The following NRXN3 variants were observed in gnomAD, a reference collection of about 807,000 sequenced individuals.
NRXN3 encodes neurexin III.
Under a neutral mutation model 137.6 loss-of-function variants are expected in NRXN3, and 32 were observed. The observed-to-expected ratio is 0.23, with a 90% CI of 0.18 to 0.31. The LOEUF (loss-of-function observed/expected upper bound fraction) is 0.31, where lower values mean the gene tolerates loss of function less well. NRXN3 is among the 10% of genes least tolerant of loss of function. The probability of loss-of-function intolerance (pLI) is 1.00; values close to 1 mark genes in which losing one functional copy is unlikely to be tolerated. For missense variants in NRXN3, 1,574 were observed against 2,062.5 expected (o/e 0.76, Z 4.59); for synonymous variants, 798 against 784.5 (o/e 1.02, Z -0.29).
At chr14:78,591,998 T>C (rs2097122001) in intron 4 of NRXN3, among the ~76,000 whole-genome samples, 2 of 152,200 alleles carry the variant, frequency 1.3e-5, no homozygotes, top group Admixed American at 1.3e-4. Context: ...AACTCATTTC[T>C]CTGAGATGAG....
chr14:79,429,365 G>C lies in NRXN3; in HGVS notation c.3263-37856G>C, dbSNP rs116715888. Among the ~76,000 whole-genome samples the C allele has an allele frequency of 6.4e-3, 979 of 152,286 alleles. 14 individuals carry two copies. Among genetic ancestry groups the C allele is most frequent in the African/African-American group, 0.023 (946 of 41,546 alleles). The stretch of plus-strand genomic sequence containing the variant: ...TTGTGGAGTCATCAGTAAGAATGTG[G>C]CTTCTGGAGTGAATTTCTTTTTGAG... On this transcript the variant is annotated intron_variant, in intron 15 of 20. Transcript: ENST00000335750.
intron 16 of NRXN3, among the ~76,000 whole-genome samples, chr14:79,498,706 C>T (rs1379345497): frequency 2.0e-5 from 3 of 152,230 alleles, no homozygotes; most frequent in Non-Finnish European, 4.4e-5. Flanking sequence ...TCCATCTCTA[C>T]TACTCGAAGC....
chr14:78,312,933 G>A (rs2078144871), intron 4 of NRXN3, among the ~76,000 whole-genome samples: 1 of 152,016 alleles, frequency 6.6e-6, no homozygotes, highest in Non-Finnish European at 1.5e-5. Flanking sequence ...TTTGTTAAAA[G>A]GAAAAAAGAA....
intron 15 of NRXN3, among the ~76,000 whole-genome samples, chr14:79,014,597 T>G (rs2099576205): frequency 6.6e-6 from 1 of 152,228 alleles, no homozygotes; most frequent in Non-Finnish European, 1.5e-5. Flanking sequence ...TAGAATAATT[T>G]ATATTTCTTT....
intron 15 of NRXN3, among the ~76,000 whole-genome samples, chr14:79,217,284 C>G (rs905235802): frequency 6.6e-6 from 1 of 152,116 alleles, no homozygotes; most frequent in Non-Finnish European, 1.5e-5. Context: ...GAAGCAGGAA[C>G]AGCACATCAC....
At chr14:78,440,062 A>T (rs1017941043) in intron 4 of NRXN3, among the ~76,000 whole-genome samples, 1 of 152,220 alleles carries the variant, frequency 6.6e-6, no homozygotes, top group African/African-American at 2.4e-5. Context: ...GAGGGGCCTC[A>T]TGCAGGCAAG....
chr14:78,465,735 G>A (rs985226511), intron 4 of NRXN3, among the ~76,000 whole-genome samples: 2 of 151,534 alleles, frequency 1.3e-5, no homozygotes, highest in African/African-American at 2.4e-5. Context: ...GGGTTTCACC[G>A]TGTTGGCCAA....
At chr14:79,340,855 G>A (rs1382278593) in intron 15 of NRXN3, among the ~76,000 whole-genome samples, 1 of 152,138 alleles carries the variant, frequency 6.6e-6, no homozygotes, top group Non-Finnish European at 1.5e-5. Flanking sequence ...GCAGTTGGAC[G>A]ATATCTTATC....
rs912378995 is a variant in NRXN3, at chr14:79,190,207, C to G, written c.3262+202066C>G. The stretch of plus-strand genomic sequence containing the variant: ...GATTAAGTTGAAAAGGTCCATAATC[C>G]TTACGGAAATTTTTTTTTTAATCAT... On this transcript the variant is annotated intron_variant, in intron 15 of 20. Transcript: ENST00000335750. 2.6e-5 allele frequency among the ~76,000 whole-genome samples: 4 copies of G among 151,490 alleles called. No individual in the cohort carries two copies. The East Asian group carries it at 8.1e-4, about 31-fold the overall frequency.
intron 4 of NRXN3, among the ~76,000 whole-genome samples, chr14:78,417,440 C>T (rs1052854767): frequency 2.0e-5 from 3 of 152,202 alleles, no homozygotes; most frequent in Non-Finnish European, 4.4e-5. Flanking sequence ...TCAGGCTGTG[C>T]TCATAATTTC....
chr14:78,309,213 A>G (rs1415570495), intron 4 of NRXN3, among the ~76,000 whole-genome samples: 1 of 152,140 alleles, frequency 6.6e-6, no homozygotes, highest in Non-Finnish European at 1.5e-5. Context: ...AAGTTTTGTC[A>G]TCTTGTAGAA....
rs148395655 is a variant in NRXN3, at chr14:78,530,547, T to G, written c.758-114573T>G. 3.1e-3 allele frequency among the ~76,000 whole-genome samples: 469 copies of G among 152,340 alleles called. 8 individuals carry two copies. The highest frequency in any genetic ancestry group is 0.011 in the African/African-American group (455 of 41,578). On this transcript the variant is annotated intron_variant, in intron 4 of 20. Coordinates refer to ENST00000335750, the MANE Select transcript of NRXN3 (RefSeq NM_001330195.2). ...TTTGGCTTAACAGGGGAACCACCAG[T>G]GCCCTTGCGGATGGCTGAGGTGTCT...
Position 78,592,259 on chromosome 14 carries a change from T to G in NRXN3, c.758-52861T>G, listed in dbSNP as rs559134275. 4.1e-4 allele frequency among the ~76,000 whole-genome samples: 62 copies of G among 152,326 alleles called. No individual in the cohort carries two copies. In the South Asian group the frequency reaches 0.013, roughly 31 times the overall value. ...CAAGTGATTTCTTTTTAACCCATTT[T>G]AAGGGCCCAGTTCATCTTGTACAAT... is the stretch of plus-strand genomic sequence containing the variant. On this transcript the variant is annotated intron_variant, in intron 4 of 20. Coordinates refer to ENST00000335750, the MANE Select transcript of NRXN3 (RefSeq NM_001330195.2).
At chr14:78,794,194 C>A (rs1397785677) in intron 8 of NRXN3, among the ~76,000 whole-genome samples, 2 of 151,854 alleles carry the variant, frequency 1.3e-5, no homozygotes, top group African/African-American at 4.8e-5. Context: ...ACCAGCCTGA[C>A]CAACATGGGA....
intron 15 of NRXN3, among the ~76,000 whole-genome samples, chr14:79,179,675 A>C (rs1323850638): frequency 6.6e-6 from 1 of 152,198 alleles, no homozygotes; most frequent in Non-Finnish European, 1.5e-5. Flanking sequence ...GAGAGGTCTG[A>C]TTATCTTTCA....
chr14:79,228,706 C>T (rs1009756136), intron 15 of NRXN3, among the ~76,000 whole-genome samples: 23 of 152,268 alleles, frequency 1.5e-4, no homozygotes, highest in African/African-American at 5.1e-4. Context: ...GACTGATTTG[C>T]AACTGGTGCC....
intron 10 of NRXN3, among the ~76,000 whole-genome samples, chr14:78,815,112 G>A (rs983516572): frequency 1.4e-4 from 21 of 152,130 alleles, no homozygotes; most frequent in African/African-American, 5.1e-4. Context: ...GATTATTTAG[G>A]TATATGTAAC....
chr14:79,405,414 G>A (rs2095290845), intron 15 of NRXN3, among the ~76,000 whole-genome samples: 1 of 151,996 alleles, frequency 6.6e-6, no homozygotes, highest in Admixed American at 6.6e-5. Flanking sequence ...AAGACTCTTG[G>A]GCACTTGAAT....
intron 20 of NRXN3, among the ~76,000 whole-genome samples, chr14:79,843,474 G>C (rs544193136): frequency 6.6e-6 from 1 of 152,212 alleles, no homozygotes; most frequent in South Asian, 2.1e-4. Flanking sequence ...AACTTCCTAA[G>C]ACAAAAATGA....
Sources: gnomAD v4.1 joint callset for allele counts (sites outside exome capture counted in the v4.1 genomes callset) on GRCh38, gnomAD v4.1.1 for gene constraint, MANE v1.5 for transcripts, NCBI Gene and HGNC (gene_info 2026-07-23, HGNC 2026-07-21) for gene names.